CCNY: variants seen among roughly 807,000 people sequenced by gnomAD.
The protein encoded by CCNY is cyclin-Y.
CCNY carries 19 observed loss-of-function variants against 42.8 expected under a neutral mutation model. The ratio of observed to expected loss-of-function variants is 0.44; its 90% CI spans 0.31 to 0.65. CCNY has a LOEUF of 0.65. Among genes scored for constraint, CCNY ranks in the 30% least tolerant of loss-of-function variants. CCNY has a pLI of 0.07. For missense variants in CCNY, 370 were observed against 437.3 expected (o/e 0.85, Z 1.37); for synonymous variants, 165 against 162.7 (o/e 1.01, Z -0.11).
intron 1 of CCNY, among the ~76,000 whole-genome samples, chr10:35,394,548 G>A (rs1006025543): frequency 6.6e-6 from 1 of 152,124 alleles, no homozygotes; most frequent in African/African-American, 2.4e-5. Context: ...GAAGTGTATG[G>A]GTCACACGGC....
intron 1 of CCNY, among the ~76,000 whole-genome samples, chr10:35,443,719 T>A (rs1415329930): frequency 6.6e-6 from 1 of 152,228 alleles, no homozygotes; most frequent in Non-Finnish European, 1.5e-5. Context: ...TTAGCCCCCA[T>A]CTTTTAGGCT....
At chr10:35,360,840 T>G (rs1836668954) in intron 1 of CCNY, among the ~76,000 whole-genome samples, 1 of 152,080 alleles carries the variant, frequency 6.6e-6, no homozygotes, top group South Asian at 2.1e-4. Context: ...GCTTCTATGG[T>G]GGGGATTTAC....
At chr10:35,269,506 G>T (rs1338807595) in intron 3 of CCNY, among the ~76,000 whole-genome samples, 2 of 151,318 alleles carry the variant, frequency 1.3e-5, no homozygotes, top group African/African-American at 4.9e-5. Flanking sequence ...GTTTTGCCAT[G>T]TTGGCCAGGC....
Position 35,535,532 on chromosome 10 carries a change from G to A in CCNY, c.579+5289G>A, listed in dbSNP as rs932161551. Among the ~76,000 whole-genome samples the A allele has an allele frequency of 2.1e-4, 32 of 152,034 alleles. 1 individual carries two copies. Among genetic ancestry groups the A allele is most frequent in the Admixed American group, 1.6e-3 (24 of 15,262 alleles). Reference sequence around the variant, plus strand: ...TGTGTATGTATATGTGTATGTATACGTATATGTATACATATACGTATATGT... The same window carrying A: ...TGTGTATGTATATGTGTATGTATACATATATGTATACATATACGTATATGT... On this transcript the variant is annotated intron_variant, in intron 7 of 9. Transcript: ENST00000374704.
chr10:35,483,491 T>G lies in CCNY; in HGVS notation c.229+13T>G. The G allele has an allele frequency of 6.5e-7, 1 of 1,536,912 alleles. No homozygotes were observed. The highest frequency in any genetic ancestry group is 8.9e-7 in the Non-Finnish European group (1 of 1,117,536). The stretch of plus-strand genomic sequence containing the variant: ...TCTCAGACGGACGGTAGGTCCTTAA[T>G]TTATGTTTCTTTTTGTAAAAAAGGC... On this transcript the variant is annotated intron_variant, in intron 2 of 9. Coordinates refer to ENST00000374704, the MANE Select transcript of CCNY (RefSeq NM_145012.6).
intron 1 of CCNY, among the ~76,000 whole-genome samples, chr10:35,406,193 C>A (rs369385501): frequency 1.7e-5 from 2 of 120,478 alleles, no homozygotes; most frequent in African/African-American, 6.5e-5. Flanking sequence ...TTTTTTTTTT[C>A]TTTTTTATTT....
intron 3 of CCNY, among the ~76,000 whole-genome samples, chr10:35,509,974 A>G (rs1049984459): frequency 6.6e-6 from 1 of 151,934 alleles, no homozygotes; most frequent in Non-Finnish European, 1.5e-5. Context: ...CCTCCCCTCC[A>G]CTTCTGCACT....
At chr10:35,506,186 G>A (rs1261522499) in intron 3 of CCNY, among the ~76,000 whole-genome samples, 4 of 152,122 alleles carry the variant, frequency 2.6e-5, no homozygotes, top group Non-Finnish European at 1.5e-5. Context: ...TAAAATATCA[G>A]TAAAAATTTT....
chr10:35,288,378 G>A (rs1276843544), intron 3 of CCNY, among the ~76,000 whole-genome samples: 2 of 151,848 alleles, frequency 1.3e-5, no homozygotes, highest in Non-Finnish European at 2.9e-5. Flanking sequence ...TCTTATTATT[G>A]TTATCAAAAT....
intron 1 of CCNY, among the ~76,000 whole-genome samples, chr10:35,394,009 C>G (rs1328043919): frequency 3.3e-5 from 5 of 152,238 alleles, no homozygotes; most frequent in Non-Finnish European, 4.4e-5. Flanking sequence ...AGGGATGTGA[C>G]TGGACAGCAG....
At chr10:35,558,469 C>A (rs571275904) in intron 8 of CCNY, among the ~76,000 whole-genome samples, 3 of 152,304 alleles carry the variant, frequency 2.0e-5, no homozygotes, top group African/African-American at 7.2e-5. Flanking sequence ...AGCTTGAAGT[C>A]CAGAGTCCCG....
At chr10:35,308,961 T>G (rs1283154215) in intron 3 of CCNY, among the ~76,000 whole-genome samples, 1 of 152,118 alleles carries the variant, frequency 6.6e-6, no homozygotes, top group Non-Finnish European at 1.5e-5. Context: ...AATAGTGATC[T>G]TCAACCAGGC....
chr10:35,379,699 A>G (rs1837135119), intron 1 of CCNY, among the ~76,000 whole-genome samples: 1 of 152,216 alleles, frequency 6.6e-6, no homozygotes, highest in Admixed American at 6.5e-5. Flanking sequence ...GTGGGAAAAG[A>G]AGATAATGTG....
intron 1 of CCNY, among the ~76,000 whole-genome samples, chr10:35,361,630 T>C (rs1384933816): frequency 2.6e-5 from 4 of 152,264 alleles, no homozygotes; most frequent in South Asian, 4.1e-4. Context: ...GATTAACTTT[T>C]AATATGGGTC....
chr10:35,293,275 A>T (rs765794312), intron 3 of CCNY, among the ~76,000 whole-genome samples: 6 of 152,204 alleles, frequency 3.9e-5, no homozygotes, highest in African/African-American at 7.2e-5. Context: ...CTTGTCAAAA[A>T]TCAAGTCATC....
intron 3 of CCNY, among the ~76,000 whole-genome samples, chr10:35,296,552 G>A (rs1054574283): frequency 2.0e-5 from 3 of 152,152 alleles, no homozygotes; most frequent in Admixed American, 2.0e-4. Flanking sequence ...CAGCACTCCG[G>A]CCTGGGCCTC....
chr10:35,345,791 C>G (rs1836289202), intron 1 of CCNY, among the ~76,000 whole-genome samples: 1 of 152,100 alleles, frequency 6.6e-6, no homozygotes, highest in African/African-American at 2.4e-5. Context: ...AGCTGTCTGA[C>G]CTTTGAGTGG....
At chr10:35,522,511 C>T (rs1428176664) in intron 4 of CCNY, among the ~76,000 whole-genome samples, 2 of 152,166 alleles carry the variant, frequency 1.3e-5, no homozygotes, top group Non-Finnish European at 2.9e-5. Context: ...CAATAAGAGC[C>T]ACACTCCAGG....
intron 1 of CCNY, among the ~76,000 whole-genome samples, chr10:35,370,446 C>T (rs1195933192): frequency 2.6e-5 from 4 of 151,914 alleles, no homozygotes; most frequent in East Asian, 1.9e-4. Context: ...CCACCGCGCC[C>T]GGCCGTTCCT....
Sources: allele counts gnomAD v4.1 joint callset (sites outside exome capture counted in the v4.1 genomes callset), GRCh38; gene constraint gnomAD v4.1.1; transcripts MANE v1.5; gene names NCBI Gene and HGNC (gene_info 2026-07-23, HGNC 2026-07-21).